The following MAGI2 variants were observed in gnomAD, a reference collection of about 807,000 sequenced individuals.
The protein encoded by MAGI2 is membrane-associated guanylate kinase, WW and PDZ domain-containing protein 2.
Under a neutral mutation model 133.3 loss-of-function variants are expected in MAGI2, and 35 were observed. The ratio of observed to expected loss-of-function variants is 0.26; its 90% CI spans 0.20 to 0.35. MAGI2 has a LOEUF of 0.35. MAGI2 is among the 10% of genes least tolerant of loss of function. The pLI, the probability that MAGI2 is intolerant of heterozygous loss-of-function variation, is 1.00. For missense variants in MAGI2, 1,636 were observed against 1,863.4 expected, an observed-to-expected ratio of 0.88 and a Z score of 2.25; for synonymous variants, 729 against 710.6, an observed-to-expected ratio of 1.03 and a Z score of -0.41.
intron 1 of MAGI2, among the ~76,000 whole-genome samples, chr7:79,142,638 C>A (rs1822247943): frequency 6.6e-6 from 1 of 152,128 alleles, no homozygotes; most frequent in Non-Finnish European, 1.5e-5. Context: ...GTAGTTTAAT[C>A]TTAAAAGATA....
chr7:79,105,574 T>C (rs1818379262), intron 1 of MAGI2, among the ~76,000 whole-genome samples: 1 of 152,200 alleles, frequency 6.6e-6, no homozygotes, highest in African/African-American at 2.4e-5. Flanking sequence ...TGTTATTTTC[T>C]CTGCCATCCT....
chr7:79,441,910 A>T (rs1848520550), intron 1 of MAGI2, among the ~76,000 whole-genome samples: 1 of 152,178 alleles, frequency 6.6e-6, no homozygotes, highest in Non-Finnish European at 1.5e-5. Flanking sequence ...TTACTCTGAG[A>T]CATTTAAACC....
chr7:78,698,461 TA>T (rs1817733542), intron 2 of MAGI2, among the ~76,000 whole-genome samples: 1 of 152,242 alleles, frequency 6.6e-6, no homozygotes, highest in Non-Finnish European at 1.5e-5. Flanking sequence ...GCTGCTTAGT[TA>T]CCCTGAATAC....
rs1821987483 is a variant in MAGI2 at position 78,135,220 on chromosome 7, A to G, written c.2846-14T>C. The G allele has an allele frequency of 1.2e-6, 2 of 1,611,054 alleles. No homozygotes were observed. Among genetic ancestry groups the G allele is most frequent in the African/African-American group, 1.3e-5 (1 of 74,998 alleles). On this transcript the variant is annotated splice_polypyrimidine_tract_variant and intron_variant, in intron 16 of 21. Coordinates refer to ENST00000354212, the MANE Select transcript of MAGI2 (RefSeq NM_012301.4). The stretch of plus-strand genomic sequence containing the variant: ...TATGGGGCACAGCTAAAAAAACCCC[A>G]ACAGAAATAGGTATCAGGGACATCA...
At chr7:78,801,237 A>C (rs1365511684) in intron 2 of MAGI2, among the ~76,000 whole-genome samples, 1 of 4,804 alleles carries the variant, frequency 2.1e-4, no homozygotes, top group Non-Finnish European at 1.5e-3. Context: ...AGAAACAAGG[A>C]AACTGCAAAT....
intron 9 of MAGI2, among the ~76,000 whole-genome samples, chr7:78,264,969 G>T (rs1306689306): frequency 6.6e-6 from 1 of 152,116 alleles, no homozygotes; most frequent in African/African-American, 2.4e-5. Context: ...TAGGCAGAAG[G>T]ATACTAAGAT....
intron 2 of MAGI2, among the ~76,000 whole-genome samples, chr7:78,665,956 T>C (rs1261891252): frequency 6.6e-6 from 1 of 152,154 alleles, no homozygotes; most frequent in Non-Finnish European, 1.5e-5. Context: ...AGTAGGGTGA[T>C]GTCAAGCTTA....
intron 1 of MAGI2, among the ~76,000 whole-genome samples, chr7:79,408,080 T>C (rs1009822142): frequency 6.6e-6 from 1 of 152,154 alleles, no homozygotes; most frequent in Non-Finnish European, 1.5e-5. Flanking sequence ...TATGCCCCGT[T>C]TTAAATGCTA....
At chr7:78,049,741 T>C (rs114980135) in intron 21 of MAGI2, among the ~76,000 whole-genome samples, 2,409 of 152,316 alleles carry the variant, frequency 0.016, 70 homozygotes, top group African/African-American at 0.055. Context: ...GACTGTATCC[T>C]TGTAACAGAC....
chr7:79,077,590 AAAAAATAAATAAAT>A lies in MAGI2; in HGVS notation c.302-70398_302-70385del, dbSNP rs1172873710. Among the ~76,000 whole-genome samples the A allele has an allele frequency of 4.4e-4, 60 of 136,020 alleles. 7 individuals are homozygous for A. The highest frequency in any genetic ancestry group is 9.9e-4 in the African/African-American group (36 of 36,442). 89.2% of individuals were successfully genotyped at this position (136,020 alleles called of 152,430 possible). A position where few individuals can be genotyped will look rare whatever the true frequency, so the allele number is the denominator to read the frequency against. On this transcript the variant is annotated intron_variant, in intron 1 of 21. Coordinates refer to ENST00000354212, the MANE Select transcript of MAGI2 (RefSeq NM_012301.4). ...ACTGCCTCTCAAAAAAAAAAAAAAA[AAAAAATAAATAAAT>A]AAATAAATTCCCTTTTGCTTAACTA... is the stretch of plus-strand genomic sequence containing the variant.
chr7:79,411,959 T>C (rs562950928), intron 1 of MAGI2: 42 of 152,052 alleles, frequency 2.8e-4, no homozygotes, highest in Non-Finnish European at 4.6e-4. Context: ...AAAGGAAAAA[T>C]TGAATACTAT....
At chr7:78,656,947 G>T (rs1812353930) in intron 2 of MAGI2, among the ~76,000 whole-genome samples, 1 of 131,694 alleles carries the variant, frequency 7.6e-6, no homozygotes, top group Non-Finnish European at 1.6e-5. Context: ...AATATACAAA[G>T]AACTCTTAAA....
chr7:78,342,493 T>A (rs1347979587), intron 9 of MAGI2, among the ~76,000 whole-genome samples: 2 of 152,168 alleles, frequency 1.3e-5, no homozygotes, highest in Non-Finnish European at 2.9e-5. Context: ...CATTCTACTA[T>A]AAAGACACAT....
intron 9 of MAGI2, among the ~76,000 whole-genome samples, chr7:78,317,461 T>C (rs1178668417): frequency 6.6e-6 from 1 of 152,222 alleles, no homozygotes; most frequent in South Asian, 2.1e-4. Flanking sequence ...ACGATAAGAA[T>C]GCGCATCAGC....
chr7:78,578,089 G>T lies in MAGI2; in HGVS notation c.538+49031C>A, dbSNP rs546444904. On this transcript the variant is annotated intron_variant, in intron 3 of 21. Coordinates refer to ENST00000354212, the MANE Select transcript of MAGI2 (RefSeq NM_012301.4). ...TTCTCTATATTTGTATATTTTATTG[G>T]TTTTCACTTTAAGTAGGGAAAATTT... Among the ~76,000 whole-genome samples the T allele has an allele frequency of 1.5e-3, 191 of 124,448 alleles. 1 individual carries two copies. Among genetic ancestry groups the T allele is most frequent in the African/African-American group, 2.5e-3 (74 of 29,938 alleles). The allele number at this position is 124,448 out of a possible 152,430, so 81.6% of individuals were successfully genotyped here.
chr7:78,238,876 C>T (rs1790836794), intron 10 of MAGI2, among the ~76,000 whole-genome samples: 1 of 152,212 alleles, frequency 6.6e-6, no homozygotes, highest in African/African-American at 2.4e-5. Flanking sequence ...CATGGCTACA[C>T]AAGATTCCAC....
chr7:79,345,178 G>A (rs1406151), intron 1 of MAGI2, among the ~76,000 whole-genome samples: 46,868 of 151,836 alleles, frequency 0.31, 7,512 homozygotes, highest in Admixed American at 0.38. Flanking sequence ...ATACTGAGTA[G>A]GGTATGCCCC....
chr7:78,912,767 C>CAT (rs1484085600), intron 2 of MAGI2, among the ~76,000 whole-genome samples: 1 of 143,974 alleles, frequency 6.9e-6, no homozygotes, highest in Non-Finnish European at 1.5e-5. Context: ...ATATATCATT[C>CAT]ATATATATAT....
intron 6 of MAGI2, among the ~76,000 whole-genome samples, chr7:78,409,803 G>T (rs933508649): frequency 2.6e-5 from 4 of 151,984 alleles, no homozygotes; most frequent in Non-Finnish European, 5.9e-5. Context: ...ACCCTGCCCC[G>T]ACCCGAGTCT....
Sources: allele counts gnomAD v4.1 joint callset (sites outside exome capture counted in the v4.1 genomes callset), GRCh38; gene constraint gnomAD v4.1.1; transcripts MANE v1.5; gene names NCBI Gene and HGNC (gene_info 2026-07-23, HGNC 2026-07-21).